Variants in MAGI1 observed in about 807,000 individuals in gnomAD.
The protein encoded by MAGI1 is membrane-associated guanylate kinase, WW and PDZ domain-containing protein 1.
A neutral mutation model predicts 139.9 loss-of-function variants in MAGI1; 58 were observed. The ratio of observed to expected loss-of-function variants is 0.41; its 90% CI spans 0.34 to 0.52. The LOEUF (loss-of-function observed/expected upper bound fraction) is 0.52, where lower values mean the gene tolerates loss of function less well. MAGI1 is among the 20% of genes least tolerant of loss of function. The pLI, the probability that MAGI1 is intolerant of heterozygous loss-of-function variation, is 0.12. For synonymous variants in MAGI1, 812 were observed against 737.9 expected, an observed-to-expected ratio of 1.10 and a Z score of -1.63; for missense variants, 1,874 against 1,901.6, an observed-to-expected ratio of 0.99 and a Z score of 0.27.
chr3:65,417,144 G>T (rs915597826), intron 12 of MAGI1, among the ~76,000 whole-genome samples: 1 of 152,160 alleles, frequency 6.6e-6, no homozygotes, highest in Non-Finnish European at 1.5e-5. Context: ...ACAAAGTGAG[G>T]CTGCAAGCAC....
chr3:66,008,895 T>C (rs1336849234), intron 1 of MAGI1: 1 of 152,254 alleles, frequency 6.6e-6, no homozygotes, highest in Admixed American at 6.5e-5. Context: ...CCTGAGAGGC[T>C]TTAAGCAGGG....
At chr3:65,849,959 C>T (rs1224339291) in intron 1 of MAGI1, among the ~76,000 whole-genome samples, 2 of 152,250 alleles carry the variant, frequency 1.3e-5, no homozygotes, top group African/African-American at 4.8e-5. Context: ...AAATTAGTCA[C>T]TTTACTAATT....
intron 2 of MAGI1, among the ~76,000 whole-genome samples, chr3:65,531,291 C>T (rs890874599): frequency 2.6e-5 from 4 of 152,040 alleles, no homozygotes; most frequent in African/African-American, 9.7e-5. Flanking sequence ...ACAGACTTGC[C>T]TATCATCCAA....
At chr3:65,940,020 AATT>A (rs1424913431) in intron 1 of MAGI1, among the ~76,000 whole-genome samples, 1 of 152,208 alleles carries the variant, frequency 6.6e-6, no homozygotes, top group Non-Finnish European at 1.5e-5. Context: ...CAAGTTGCCT[AATT>A]ATTTTCATCC....
chr3:65,581,503 C>G (rs141418199), intron 2 of MAGI1, among the ~76,000 whole-genome samples: 214 of 152,214 alleles, frequency 1.4e-3, no homozygotes, highest in African/African-American at 4.0e-3. Context: ...ACTTCCTCTG[C>G]TCACTTTGTC....
chr3:65,660,117 A>C (rs934179208), intron 1 of MAGI1, among the ~76,000 whole-genome samples: 3 of 152,190 alleles, frequency 2.0e-5, no homozygotes, highest in Non-Finnish European at 2.9e-5. Context: ...GCTTCAAAGA[A>C]AGTCCAACTT....
intron 1 of MAGI1, among the ~76,000 whole-genome samples, chr3:65,950,078 C>CAAAAAAAAAAAAAAAAAAA (rs751496271): frequency 2.5e-5 from 1 of 40,340 alleles, no homozygotes; most frequent in Non-Finnish European, 3.7e-5. Context: ...AAAAAAAAAA[C>CAAAAAAAAAAAAAAAAAAA]AAAAAAAAAA....
chr3:65,997,700 T>C (rs1350935590), intron 1 of MAGI1, among the ~76,000 whole-genome samples: 1 of 151,950 alleles, frequency 6.6e-6, no homozygotes, highest in Non-Finnish European at 1.5e-5. Flanking sequence ...TGGAGTTCTG[T>C]ACCAAGTCAA....
intron 2 of MAGI1, among the ~76,000 whole-genome samples, chr3:65,612,227 A>C (rs1434552889): frequency 6.6e-6 from 1 of 152,064 alleles, no homozygotes; most frequent in Non-Finnish European, 1.5e-5. Context: ...CCTTTTATAG[A>C]AAATATCAAA....
chr3:65,412,147 T>C (rs1945845507), intron 12 of MAGI1, among the ~76,000 whole-genome samples: 1 of 152,144 alleles, frequency 6.6e-6, no homozygotes, highest in Non-Finnish European at 1.5e-5. Context: ...TCCTATCTCT[T>C]TACTTCCTCC....
intron 1 of MAGI1, among the ~76,000 whole-genome samples, chr3:65,776,205 A>G (rs1319362152): frequency 4.7e-5 from 7 of 149,670 alleles, no homozygotes; most frequent in Non-Finnish European, 8.9e-5. Context: ...AGCATTCTTT[A>G]CTACTTGCTA....
At chr3:65,670,717 G>A (rs1038085041) in intron 1 of MAGI1, among the ~76,000 whole-genome samples, 6 of 151,916 alleles carry the variant, frequency 3.9e-5, no homozygotes, top group South Asian at 2.1e-4. Context: ...TCTCTTCCCC[G>A]GGAACCTCAG....
intron 1 of MAGI1, among the ~76,000 whole-genome samples, chr3:65,705,621 T>C (rs1201220879): frequency 1.3e-5 from 2 of 152,230 alleles, no homozygotes; most frequent in African/African-American, 4.8e-5. Context: ...ATTTATGGCT[T>C]TGAATAATTC....
intron 1 of MAGI1, among the ~76,000 whole-genome samples, chr3:65,645,084 C>T (rs6810273): frequency 0.14 from 21,040 of 150,336 alleles, 1,581 homozygotes; most frequent in African/African-American, 0.19. Flanking sequence ...GGGACTCTAA[C>T]AACAGACCTA....
chr3:65,847,577 C>G (rs541575588), intron 1 of MAGI1, among the ~76,000 whole-genome samples: 1 of 152,248 alleles, frequency 6.6e-6, no homozygotes, highest in African/African-American at 2.4e-5. Context: ...ATATATTTAT[C>G]AATGTGTATG....
In MAGI1 at chr3:65,470,409, G is replaced by T. The variant is rs778797183; in HGVS notation, c.833C>A (p.Ala278Asp). The part of the protein sequence containing the change: ...LPPVNSSIIA[A>D]PITDPSQKFP... Reference sequence around the variant, plus strand: ...CTTCTGAGAAGGGTCCGTGATGGGAGCAGCGATGATGCTACTATTCACAGG... The same window carrying T: ...CTTCTGAGAAGGGTCCGTGATGGGATCAGCGATGATGCTACTATTCACAGG... The change falls in exon 5 of 23, where the codon GCT becomes GAT. Residue 278 changes from alanine (A) to aspartate (D), a missense_variant. Transcript: ENST00000402939. 2.5e-6 allele frequency: 4 copies of T among 1,613,860 alleles called. No individual in the cohort carries two copies. Among genetic ancestry groups the T allele is most frequent in the Middle Eastern group, 1.7e-4 (1 of 6,060 alleles).
chr3:65,359,259 A>C, intron 22 of MAGI1: 4 of 1,544,838 alleles, frequency 2.6e-6, no homozygotes, highest in Non-Finnish European at 3.5e-6. Context: ...GAAAGAAAAA[A>C]AATCTACATT....
intron 1 of MAGI1, among the ~76,000 whole-genome samples, chr3:65,738,470 C>T (rs2034972446): frequency 6.6e-6 from 1 of 152,228 alleles, no homozygotes; most frequent in Non-Finnish European, 1.5e-5. Flanking sequence ...AGCCATCACA[C>T]CCAGCCACAA....
intron 5 of MAGI1, among the ~76,000 whole-genome samples, chr3:65,457,997 A>G (rs939530004): frequency 2.0e-5 from 3 of 152,100 alleles, no homozygotes; most frequent in South Asian, 2.1e-4. Context: ...CTCTACCTCC[A>G]TGGGTTCAAT....
Sources: gnomAD v4.1 joint callset for allele counts (sites outside exome capture counted in the v4.1 genomes callset) on GRCh38, gnomAD v4.1.1 for gene constraint, MANE v1.5 for transcripts, NCBI Gene and HGNC (gene_info 2026-07-23, HGNC 2026-07-21) for gene names.